The following GLIS3 variants were observed in gnomAD, a reference collection of about 807,000 sequenced individuals.
The protein encoded by GLIS3 is GLIS family zinc finger 3.
GLIS3 carries 53 observed loss-of-function variants against 78.6 expected under a neutral mutation model. The observed-to-expected ratio is 0.67, with a 90% CI of 0.54 to 0.85. The LOEUF is 0.85. Among genes scored for constraint, GLIS3 ranks in the 40% least tolerant of loss-of-function variants. The pLI is 0.00. For synonymous variants in GLIS3, 684 were observed against 509.9 expected, an observed-to-expected ratio of 1.34 and a Z score of -4.60; for missense variants, 1,703 against 1,231.1, an observed-to-expected ratio of 1.38 and a Z score of -5.74.
chr9:4,254,661 G>A (rs1038804948), intron 2 of GLIS3, among the ~76,000 whole-genome samples: 5 of 151,860 alleles, frequency 3.3e-5, no homozygotes, highest in African/African-American at 1.2e-4. Context: ...CCAACATGGT[G>A]AAACCCCATC....
At chr9:4,033,027 T>G (rs28445565) in intron 4 of GLIS3, among the ~76,000 whole-genome samples, 3 of 152,042 alleles carry the variant, frequency 2.0e-5, no homozygotes, top group African/African-American at 7.2e-5. Context: ...CTAATTTTTT[T>G]GTTTTTTAGT....
intron 8 of GLIS3, among the ~76,000 whole-genome samples, chr9:3,868,389 C>T (rs1475222): frequency 0.92 from 139,978 of 152,176 alleles, 65,511 homozygotes; most frequent in East Asian, 1. Flanking sequence ...TGACACTCAG[C>T]GACTCTTCAA....
chr9:3,984,303 T>C (rs1310786117), intron 4 of GLIS3, among the ~76,000 whole-genome samples: 1 of 152,238 alleles, frequency 6.6e-6, no homozygotes, highest in Non-Finnish European at 1.5e-5. Context: ...AGGGACGCTA[T>C]ACCCCGCAAA....
chr9:3,944,403 A>C (rs1353115231), intron 4 of GLIS3, among the ~76,000 whole-genome samples: 3 of 152,248 alleles, frequency 2.0e-5, no homozygotes, highest in African/African-American at 7.2e-5. Context: ...TTTAAGACAT[A>C]TCACATGGCC....
chr9:4,321,933 G>C (rs908506860), intron 2 of GLIS3, among the ~76,000 whole-genome samples: 1 of 151,996 alleles, frequency 6.6e-6, no homozygotes, highest in Non-Finnish European at 1.5e-5. Context: ...TAACCTGCAG[G>C]TTTGTTACAT....
rs1362599320 is a variant in GLIS3, at chr9:4,321,199, T to A, written n.265-10671A>T. Among the ~76,000 whole-genome samples, 11 of 149,288 alleles carry A rather than the reference T, an allele frequency of 7.4e-5. No homozygotes were observed. The East Asian group carries it at 1.6e-3, about 22-fold the overall frequency. On this transcript the variant is annotated intron_variant and non_coding_transcript_variant, in intron 2 of 4. Coordinates refer to the GLIS3 transcript ENST00000471664. ...ACTTTGGGAGGCCGAGGCGGGCGGA[T>A]CACAAGGTCAGGAGATCGAGACCAT... is the stretch of plus-strand genomic sequence containing the variant.
chr9:4,450,208 C>A, the GLIS3 span, among the ~76,000 whole-genome samples: 4 of 152,082 alleles, frequency 2.6e-5, no homozygotes, highest in African/African-American at 9.7e-5. Flanking sequence ...CATACACAAA[C>A]TTCAATAGCC....
At chr9:4,465,636 G>C in the GLIS3 span, among the ~76,000 whole-genome samples, 1 of 152,230 alleles carries the variant, frequency 6.6e-6, no homozygotes, top group African/African-American at 2.4e-5. Context: ...TTGAGGGGAT[G>C]GATACCCCAT....
At chr9:4,448,703 C>G in the GLIS3 span, among the ~76,000 whole-genome samples, 1 of 152,152 alleles carries the variant, frequency 6.6e-6, no homozygotes, top group East Asian at 1.9e-4. Flanking sequence ...ATTCTAAGAG[C>G]CTGTGTGAAA....
chr9:3,860,290 A>G (rs1454480294), intron 8 of GLIS3, among the ~76,000 whole-genome samples: 1 of 147,340 alleles, frequency 6.8e-6, no homozygotes, highest in South Asian at 2.1e-4. Context: ...AAAAAAAAAA[A>G]AAAAAAAAAA....
At chr9:4,309,172 G>C (rs1817300116) in intron 3 of GLIS3, among the ~76,000 whole-genome samples, 1 of 152,118 alleles carries the variant, frequency 6.6e-6, no homozygotes, top group Non-Finnish European at 1.5e-5. Context: ...TTGTGTATAT[G>C]CCCGTGCCTC....
chr9:3,916,244 G>A (rs781448198), intron 6 of GLIS3, among the ~76,000 whole-genome samples: 1 of 152,114 alleles, frequency 6.6e-6, no homozygotes, highest in Non-Finnish European at 1.5e-5. Flanking sequence ...GTGAAATACG[G>A]GCGACTTAAT....
At chr9:4,223,009 T>G (rs1821463320) in intron 2 of GLIS3, among the ~76,000 whole-genome samples, 1 of 152,154 alleles carries the variant, frequency 6.6e-6, no homozygotes, top group South Asian at 2.1e-4. Flanking sequence ...ACAGCACTCC[T>G]TAGGTAGGCT....
chr9:4,074,464 A>G (rs180673103), intron 4 of GLIS3, among the ~76,000 whole-genome samples: 12 of 152,320 alleles, frequency 7.9e-5, no homozygotes, highest in Admixed American at 7.8e-4. Context: ...TGAGAGATTC[A>G]GACAAATTTC....
At chr9:3,892,375 C>T (rs1192022828) in intron 7 of GLIS3, among the ~76,000 whole-genome samples, 1 of 152,172 alleles carries the variant, frequency 6.6e-6, no homozygotes, top group Non-Finnish European at 1.5e-5. Context: ...TGAGTCACGG[C>T]CGGGGCACCT....
At chr9:4,039,160 T>A (rs992137935) in intron 4 of GLIS3, among the ~76,000 whole-genome samples, 2 of 152,206 alleles carry the variant, frequency 1.3e-5, no homozygotes, top group African/African-American at 4.8e-5. Flanking sequence ...GGTTCCACAC[T>A]CTACCCATTT....
chr9:4,110,147 C>G (rs990990255), intron 4 of GLIS3, among the ~76,000 whole-genome samples: 11 of 152,188 alleles, frequency 7.2e-5, no homozygotes, highest in African/African-American at 2.7e-4. Context: ...AATCAACACA[C>G]AATGAGTGAA....
intron 2 of GLIS3, among the ~76,000 whole-genome samples, chr9:4,228,646 G>T (rs893239355): frequency 6.6e-6 from 1 of 152,186 alleles, no homozygotes; most frequent in Non-Finnish European, 1.5e-5. Flanking sequence ...CCCTATGTAT[G>T]CATGTATCCA....
In GLIS3 at chr9:4,242,931, TTACACTATATTTCTA is replaced by T. The variant is rs1257946168; in HGVS notation, c.388+43092_388+43106del. ...TATGTATGCCATTCATATGTGTAGC[TTACACTATATTTCTA>T]TTAGATAGTACTACTCTTGATAAGC... is the stretch of plus-strand genomic sequence containing the variant. On this transcript the variant is annotated intron_variant, in intron 2 of 10. Transcript: ENST00000381971. 5.3e-5 allele frequency among the ~76,000 whole-genome samples: 8 copies of T among 152,320 alleles called. No individual in the cohort carries two copies. The South Asian group carries it at 1.2e-3, about 24-fold the overall frequency.
Sources: gnomAD v4.1 joint callset for allele counts (sites outside exome capture counted in the v4.1 genomes callset) on GRCh38, gnomAD v4.1.1 for gene constraint, MANE v1.5 for transcripts, NCBI Gene and HGNC (gene_info 2026-07-23, HGNC 2026-07-21) for gene names.